WFDC1: variants seen among roughly 807,000 people sequenced by gnomAD.
WFDC1 encodes WAP four-disulfide core domain protein 1.
WFDC1 carries 39 observed loss-of-function variants against 32.9 expected under a neutral mutation model. The observed-to-expected ratio is 1.19, with a 90% CI of 0.92 to 1.55. The LOEUF is 1.55. Ranked by LOEUF, WFDC1 falls within the 40% of genes most tolerant of loss-of-function variation. The pLI is 0.00. For synonymous variants in WFDC1, 184 were observed against 137.4 expected (o/e 1.34, Z -2.37); for missense variants, 386 against 309.5 (o/e 1.25, Z -1.85).
In WFDC1 at chr16:84,326,910, T is replaced by G; in HGVS notation, c.633T>G (p.Pro211=). The G allele has an allele frequency of 2.5e-6, 4 of 1,614,016 alleles. No homozygotes were observed. Among genetic ancestry groups the G allele is most frequent in the South Asian group, 1.1e-5 (1 of 91,076 alleles). ...PEGDSKNVAE[P]GRGQQKHFQ is the part of the protein sequence containing the mutation. ...GTGACTCAAAGAATGTGGCAGAACC[T>G]GGAAGGGGACAACAGAAGCACTTTC... is the stretch of plus-strand genomic sequence containing the variant. The change falls in exon 6 of 7, where the codon CCT becomes CCG. Residue 211 remains proline, a synonymous_variant. Transcript: ENST00000219454.
chr16:84,312,198 C>A (rs77164649), intron 1 of WFDC1, among the ~76,000 whole-genome samples: 7,121 of 152,154 alleles, frequency 0.047, 493 homozygotes, highest in African/African-American at 0.16. Flanking sequence ...ACAAAAAATA[C>A]TTCAAAGCGT....
chr16:84,298,718 G>A lies in WFDC1; in HGVS notation c.144+3603G>A, dbSNP rs75039326. On this transcript the variant is annotated intron_variant, in intron 1 of 6. Coordinates refer to ENST00000219454, the MANE Select transcript of WFDC1 (RefSeq NM_021197.4). ...CCCGGCAGAGTGAGTTTTGTGTAGC[G>A]GACTGGTCTCTTAGAGTGGGGCCGG... is the stretch of plus-strand genomic sequence containing the variant. Among the ~76,000 whole-genome samples the A allele has an allele frequency of 7.9e-3, 1,209 of 152,272 alleles. 9 individuals are homozygous for A. Among genetic ancestry groups the A allele is most frequent in the Middle Eastern group, 0.027 (8 of 294 alleles).
chr16:84,297,196 C>G (rs948224450), intron 1 of WFDC1, among the ~76,000 whole-genome samples: 17 of 152,140 alleles, frequency 1.1e-4, no homozygotes, highest in African/African-American at 3.6e-4. Flanking sequence ...AGCTGATTCA[C>G]TTGTAGCCAC....
At chr16:84,312,439 T>C (rs1316109629) in intron 1 of WFDC1, among the ~76,000 whole-genome samples, 1 of 152,126 alleles carries the variant, frequency 6.6e-6, no homozygotes, top group Admixed American at 6.5e-5. Context: ...GCTTTTTTCC[T>C]TTCTTTATTT....
Position 84,318,337 on chromosome 16 carries a change from C to T in WFDC1, c.403C>T (p.Pro135Ser). The change falls in exon 3 of 7, where the codon CCT (proline) becomes TCT (serine). Residue 135 changes from proline to serine, a missense_variant. Pro to Ser is a moderately conservative substitution (Grantham distance 74). Transcript: ENST00000219454. ...TGGCAATGGCTGGCTCCTGGATGGC[C>T]CTGAGGAGGTGTTACAAGGTACCTG... is the stretch of plus-strand genomic sequence containing the variant. ...LGGNGWLLDG[P>S]EEVLQAEACS... 1 of 1,614,002 alleles carries T rather than the reference C, an allele frequency of 6.2e-7. No homozygotes were observed.
chr16:84,315,446 G>A (rs140470688), intron 2 of WFDC1, among the ~76,000 whole-genome samples: 10 of 152,284 alleles, frequency 6.6e-5, no homozygotes, highest in East Asian at 5.8e-4. Context: ...CATCTAAAAC[G>A]GTCTCTGGGC....
intron 1 of WFDC1, among the ~76,000 whole-genome samples, chr16:84,306,316 C>T (rs369169705): frequency 6.6e-6 from 1 of 152,196 alleles, no homozygotes; most frequent in African/African-American, 2.4e-5. Flanking sequence ...TCATGAGCTT[C>T]GGTCCCTTCC....
chr16:84,304,683 G>C (rs78762235), intron 1 of WFDC1, among the ~76,000 whole-genome samples: 10,779 of 152,264 alleles, frequency 0.071, 1,190 homozygotes, highest in African/African-American at 0.24. Flanking sequence ...GGTTGCTCTG[G>C]GGTTTTCAGG....
intron 4 of WFDC1, among the ~76,000 whole-genome samples, chr16:84,320,417 C>T (rs1908238498): frequency 6.6e-6 from 1 of 152,194 alleles, no homozygotes; most frequent in Non-Finnish European, 1.5e-5. Context: ...CCTTAACTTC[C>T]AGAACTTCTG....
chr16:84,302,540 G>A (rs774699004), intron 1 of WFDC1, among the ~76,000 whole-genome samples: 1 of 151,856 alleles, frequency 6.6e-6, no homozygotes, highest in Non-Finnish European at 1.5e-5. Context: ...GTGGGTCATC[G>A]TAGCTTCACG....
chr16:84,326,845 A>T (rs146306882), intron 5 of WFDC1, 37 bp from the exon 6 acceptor site: 1 of 1,613,818 alleles, frequency 6.2e-7, no homozygotes, highest in Non-Finnish European at 8.5e-7. Flanking sequence ...GCAGGAATAG[A>T]TACATCTACC....
At chr16:84,311,657 T>C (rs1907633021) in intron 1 of WFDC1, among the ~76,000 whole-genome samples, 1 of 142,048 alleles carries the variant, frequency 7.0e-6, no homozygotes, top group Non-Finnish European at 1.5e-5. Flanking sequence ...GCCTCCCAAG[T>C]ACCTGGGACT....
chr16:84,323,977 G>A (rs1908446492), intron 4 of WFDC1, among the ~76,000 whole-genome samples: 1 of 152,182 alleles, frequency 6.6e-6, no homozygotes, highest in South Asian at 2.1e-4. Context: ...AAAATTGACT[G>A]GGTGTGGTGG....
At chr16:84,300,052 C>T (rs2151365831) in intron 1 of WFDC1, among the ~76,000 whole-genome samples, 1 of 152,236 alleles carries the variant, frequency 6.6e-6, no homozygotes, top group East Asian at 1.9e-4. Context: ...TTCCAAACAT[C>T]CTTTTATTTT....
intron 3 of WFDC1, chr16:84,318,908 ATTTGTGTGTGTG>A (rs1908125324): frequency 1.9e-5 from 2 of 106,002 alleles, no homozygotes; most frequent in African/African-American, 1.1e-4. Context: ...GTGGCTGAAT[ATTTGTGTGTGTG>A]TGTGTGTGTG....
intron 2 of WFDC1, chr16:84,317,484 G>T (rs1302158435): frequency 6.6e-6 from 1 of 152,120 alleles, no homozygotes; most frequent in Admixed American, 6.6e-5. Context: ...GGCCCTGCCT[G>T]GTCTGTTTTC....
At chr16:84,312,940 G>A in intron 1 of WFDC1, 21 bp from the exon 2 acceptor site, 1 of 1,151,206 alleles carries the variant, frequency 8.7e-7, no homozygotes, top group Non-Finnish European at 1.1e-6. Flanking sequence ...CAGAGCTGCT[G>A]ACACCGCCCT....
At chr16:84,313,238 G>T in intron 2 of WFDC1, 85 bp downstream of exon 2, 4 of 1,268,546 alleles carry the variant, frequency 3.2e-6, no homozygotes, top group Non-Finnish European at 4.0e-6. Flanking sequence ...AAGGAGCTGG[G>T]CTTAAAGCTG....
At chr16:84,315,664 C>G (rs555926833) in intron 2 of WFDC1, among the ~76,000 whole-genome samples, 5 of 152,304 alleles carry the variant, frequency 3.3e-5, no homozygotes, top group Admixed American at 2.0e-4. Flanking sequence ...CTTCCTTGGC[C>G]CTTCCCCACC....
Sources: allele counts gnomAD v4.1 joint callset (sites outside exome capture counted in the v4.1 genomes callset), GRCh38; gene constraint gnomAD v4.1.1; transcripts MANE v1.5; gene names NCBI Gene and HGNC (gene_info 2026-07-23, HGNC 2026-07-21).